Variants in VIL1 observed in about 807,000 individuals in gnomAD.
The protein encoded by VIL1 is villin 1.
VIL1 carries 86 observed loss-of-function variants against 104.0 expected under a neutral mutation model. The ratio of observed to expected loss-of-function variants is 0.83; its 90% CI spans 0.69 to 0.99. The LOEUF (loss-of-function observed/expected upper bound fraction) is 0.99, where lower values mean the gene tolerates loss of function less well. Ranked by LOEUF, VIL1 falls within the 50% of genes least tolerant of loss-of-function variation. The probability of loss-of-function intolerance (pLI) is 0.00; values close to 1 mark genes in which losing one functional copy is unlikely to be tolerated. For synonymous variants in VIL1, 394 were observed against 412.6 expected, an observed-to-expected ratio of 0.95 and a Z score of 0.55; for missense variants, 944 against 1,054.1, an observed-to-expected ratio of 0.90 and a Z score of 1.45.
At chr2:218,428,914 C>T (rs930504021) in intron 6 of VIL1, among the ~76,000 whole-genome samples, 4 of 152,198 alleles carry the variant, frequency 2.6e-5, no homozygotes, top group Admixed American at 2.6e-4. Flanking sequence ...AGGTGATCCA[C>T]CCGCCTCGGC....
chr2:218,423,669 C>A, intron 1 of VIL1, 99 bp from the exon 2 acceptor site: 3 of 1,210,968 alleles, frequency 2.5e-6, no homozygotes, highest in Non-Finnish European at 3.6e-6. Flanking sequence ...AGCCCCTGAG[C>A]CTGCGACCTC....
Position 218,429,455 on chromosome 2 carries a change from G to A in VIL1, c.738G>A (p.Glu246=). 1 of 1,614,010 alleles carries A rather than the reference G, an allele frequency of 6.2e-7. No homozygotes were observed. Among genetic ancestry groups the A allele is most frequent in the Non-Finnish European group, 8.5e-7 (1 of 1,180,008 alleles). ...CGGCCGTGCCCGACACGGTGGTGGA[G>A]CCGGCACTCAAGGCTGCACTCAAAC... ...LKAAVPDTVV[E]PALKAALKLY... Residue 246 remains glutamate (E), a synonymous_variant, in exon 7 of 20, where the codon GAG becomes GAA. Transcript: ENST00000248444.
At position 218,421,539 on chromosome 2, in the gene VIL1, T is replaced by C. The variant is rs116351052; in HGVS notation, c.-11-2229T>C. ...GGAAGTTCAGGGAAGACAGGAGAAGTGAGGAGGAGGCCCTACCAAGGGGTG... is the reference window on the plus strand; with the variant it reads ...GGAAGTTCAGGGAAGACAGGAGAAGCGAGGAGGAGGCCCTACCAAGGGGTG... On this transcript the variant is annotated intron_variant, in intron 1 of 19. Transcript: ENST00000248444. 6.3e-3 allele frequency among the ~76,000 whole-genome samples: 958 copies of C among 151,814 alleles called. 8 individuals carry two copies. Among genetic ancestry groups the C allele is most frequent in the African/African-American group, 0.022 (921 of 41,360 alleles).
intron 13 of VIL1, among the ~76,000 whole-genome samples, chr2:218,434,212 A>AG (rs1553534505): frequency 2.0e-5 from 3 of 151,200 alleles, no homozygotes; most frequent in Non-Finnish European, 2.9e-5. Context: ...AAAAAAAAAA[A>AG]GCCTGGCAGA....
At position 218,429,230 on chromosome 2, in the gene VIL1, G is replaced by A; in HGVS notation, c.568-55G>A. 8 of 1,563,826 alleles carry A rather than the reference G, an allele frequency of 5.1e-6. No individual in the cohort carries two copies. The Middle Eastern group carries it at 5.3e-4, about 103-fold the overall frequency. On this transcript the variant is annotated intron_variant, in intron 6 of 19. Transcript: ENST00000248444. ...TTGCCTGGCAGGGTGTAGGGTGGCA[G>A]ACACTGCCTCATTCCCCGACTACTC...
chr2:218,436,435 T>C, intron 15 of VIL1, 47 bp from the exon 16 acceptor site: 1 of 1,591,236 alleles, frequency 6.3e-7, no homozygotes, highest in Non-Finnish European at 8.6e-7. Context: ...AATTCTCCTT[T>C]TGCCACACCT....
intron 2 of VIL1, among the ~76,000 whole-genome samples, 194 bp downstream of exon 2, chr2:218,424,047 G>A: frequency 6.6e-6 from 1 of 151,916 alleles, no homozygotes; most frequent in Non-Finnish European, 1.5e-5. Flanking sequence ...TTCTCCCTCT[G>A]TCTCTCAACC....
rs754846121 is a variant in VIL1, at chr2:218,434,525, G to C, written c.1501-1G>C. 3 of 1,609,498 alleles carry C rather than the reference G, an allele frequency of 1.9e-6. No homozygotes were observed. Among genetic ancestry groups the C allele is most frequent in the South Asian group, 2.2e-5 (2 of 90,340 alleles). On this transcript the variant is annotated splice_acceptor_variant, in intron 13 of 19. Coordinates refer to ENST00000248444, the MANE Select transcript of VIL1 (RefSeq NM_007127.3). LOFTEE classifies it high-confidence loss of function. ...TCCCTGTCTTCTGCCCTCACCTGCA[G>C]GGAGGCACCTCCCGAACTAACAACT...
rs1689532173 is a variant in VIL1 at position 218,453,095 on chromosome 2, G to A, written c.*3759G>A. 6.6e-6 allele frequency: 1 copy of A among 152,184 alleles called. No homozygotes were observed. The highest frequency in any genetic ancestry group is 1.5e-5 in the Non-Finnish European group (1 of 68,040). The allele number at this position is 152,184 out of a possible 1,614,324, so 9.4% of individuals were successfully genotyped here. On this transcript the variant is annotated 3_prime_UTR_variant, in exon 20 of 20. Coordinates refer to ENST00000248444, the MANE Select transcript of VIL1 (RefSeq NM_007127.3). ...GGAGGCAAAGCATTTATCAGTAGTT[G>A]AGCAAAACTGCTGAGGCCATTTATA...
intron 1 of VIL1, among the ~76,000 whole-genome samples, 160 bp from the exon 2 acceptor site, chr2:218,423,607 TA>T (rs1210449277): frequency 6.6e-6 from 1 of 152,126 alleles, no homozygotes; most frequent in Non-Finnish European, 1.5e-5. Context: ...GATTTGGTAC[TA>T]AACAAGCGGA....
chr2:218,436,999 G>A (rs1349292446), intron 16 of VIL1, 125 bp from the exon 17 acceptor site: 2 of 1,163,176 alleles, frequency 1.7e-6, no homozygotes, highest in Non-Finnish European at 2.5e-6. Flanking sequence ...CCTGCCCTAG[G>A]TCATTTGGCT....
chr2:218,420,290 G>A (rs1223830021), intron 1 of VIL1, among the ~76,000 whole-genome samples: 2 of 151,876 alleles, frequency 1.3e-5, no homozygotes, highest in Non-Finnish European at 2.9e-5. Context: ...TTAGCTGGGT[G>A]TGCTCGCGCA....
intron 9 of VIL1, among the ~76,000 whole-genome samples, chr2:218,430,314 G>A (rs1436742627): frequency 2.0e-5 from 3 of 152,210 alleles, no homozygotes; most frequent in Non-Finnish European, 2.9e-5. Flanking sequence ...CCAGGGCCAA[G>A]TCAGAGTTTG....
chr2:218,431,918 C>T lies in VIL1; in HGVS notation c.1164C>T (p.Ala388=). Residue 388 remains alanine (A), a synonymous_variant, in exon 11 of 20, where the codon GCC becomes GCT. Coordinates refer to ENST00000248444, the MANE Select transcript of VIL1 (RefSeq NM_007127.3). The part of the protein sequence containing the change: ...TSMHVKPQVA[A]QQKMVDDGSG... ...TGCATGTCAAGCCTCAGGTGGCTGCCCAGCAGAAGATGGTAGATGATGGGA... is the reference window on the plus strand; with the variant it reads ...TGCATGTCAAGCCTCAGGTGGCTGCTCAGCAGAAGATGGTAGATGATGGGA... The T allele has an allele frequency of 1.2e-6, 2 of 1,613,866 alleles. No individual in the cohort carries two copies. The highest frequency in any genetic ancestry group is 1.7e-6 in the Non-Finnish European group (2 of 1,179,992).
rs1269988792 is a variant in VIL1, at chr2:218,434,664, G to T, written c.1639G>T (p.Val547Phe). 6.2e-7 allele frequency: 1 copy of T among 1,614,006 alleles called. No homozygotes were observed. The highest frequency in any genetic ancestry group is 1.3e-5 in the African/African-American group (1 of 74,922). Residue 547 changes from valine (V) to phenylalanine (F), a missense_variant, in exon 14 of 20, where the codon GTC becomes TTC. Physicochemically the swap from Val to Phe is conservative, Grantham distance 50. Transcript: ENST00000248444. ...TTTCCTCAATTCCAATGATGTCTTT[G>T]TCCTCAAGACCCAGTCTTGCTGCTA... ...ANFLNSNDVF[V>F]LKTQSCCYLW...
At chr2:218,440,645 G>C in intron 18 of VIL1, 77 bp from the exon 19 acceptor site, 1 of 1,586,052 alleles carries the variant, frequency 6.3e-7, no homozygotes, top group Non-Finnish European at 8.6e-7. Flanking sequence ...GTGCCCTAGA[G>C]ACTTCAGAGA....
In VIL1 at chr2:218,428,334, CAG is replaced by C; in HGVS notation, c.565_566del (p.Arg189GlyfsTer27). ...CGGAAAGCACCCGTATGGAGAGACT[CAG>C]GGTAAACCTGCCCATGCACCACACC... is the stretch of plus-strand genomic sequence containing the variant. ...GPESTRMERL[R>X]GMTLAKEIRD... On this transcript the variant is annotated frameshift_variant and splice_region_variant, in exon 6 of 20. Transcript: ENST00000248444. LOFTEE classifies it high-confidence loss of function. The C allele has an allele frequency of 6.2e-7, 1 of 1,613,770 alleles. No homozygotes were observed. Among genetic ancestry groups the C allele is most frequent in the Non-Finnish European group, 8.5e-7 (1 of 1,179,662 alleles).
Position 218,424,258 on chromosome 2 carries a change from A to G in VIL1, c.76-19A>G, listed in dbSNP as rs1054309306. 30 of 1,610,370 alleles carry G rather than the reference A, an allele frequency of 1.9e-5. No individual in the cohort carries two copies. The highest frequency in any genetic ancestry group is 2.5e-5 in the Non-Finnish European group (30 of 1,177,646). ...CTGGTGGTCCAGGGCAGCCCCTCTG[A>G]CCCTCTTTCTCTCCTTAGGCCATGC... On this transcript the variant is annotated intron_variant, in intron 2 of 19. Transcript: ENST00000248444.
chr2:218,449,302 A>C lies in VIL1; in HGVS notation c.2450A>C (p.Gln817Pro). The C allele has an allele frequency of 6.2e-7, 1 of 1,614,002 alleles. No individual in the cohort carries two copies. Among genetic ancestry groups the C allele is most frequent in the Admixed American group, 1.7e-5 (1 of 60,028 alleles). The change falls in exon 20 of 20, where the codon CAA becomes CCA. Residue 817 changes from glutamine (Q) to proline (P), a missense_variant. Physicochemically the swap from Gln to Pro is moderately conservative, Grantham distance 76. Coordinates refer to ENST00000248444, the MANE Select transcript of VIL1 (RefSeq NM_007127.3). Reference sequence around the variant, plus strand: ...TTCTCTGCTCTGCCTCGATGGAAGCAACAAAACCTCAAGAAAGAAAAAGGA... The same window carrying C: ...TTCTCTGCTCTGCCTCGATGGAAGCCACAAAACCTCAAGAAAGAAAAAGGA... ...AAFSALPRWKQQNLKKEKGLF is the reference protein window; with the variant it reads ...AAFSALPRWKPQNLKKEKGLF
Sources: gnomAD v4.1 joint callset for allele counts (sites outside exome capture counted in the v4.1 genomes callset) on GRCh38, gnomAD v4.1.1 for gene constraint, MANE v1.5 for transcripts, NCBI Gene and HGNC (gene_info 2026-07-23, HGNC 2026-07-21) for gene names.